The following TAB2 variants were observed in gnomAD, a reference collection of about 807,000 sequenced individuals.
TAB2 encodes the protein TGF-beta-activated kinase 1 and MAP3K7-binding protein 2.
TAB2 carries 3 observed loss-of-function variants against 65.0 expected under a neutral mutation model. The observed-to-expected ratio is 0.05, with a 90% CI of 0.02 to 0.12. The LOEUF (loss-of-function observed/expected upper bound fraction) is 0.12, where lower values mean the gene tolerates loss of function less well. Among genes scored for constraint, TAB2 ranks in the 10% least tolerant of loss-of-function variants. The pLI is 1.00. For synonymous variants in TAB2, 298 were observed against 285.1 expected (o/e 1.05, Z -0.46); for missense variants, 623 against 840.3 (o/e 0.74, Z 3.20).
chr6:149,349,497 CA>C (rs1412583743), intron 1 of TAB2, among the ~76,000 whole-genome samples: 2 of 151,010 alleles, frequency 1.3e-5, no homozygotes, highest in African/African-American at 4.9e-5. Context: ...TAATGACATG[CA>C]GATCTGTTAA....
chr6:149,371,065 C>CAAAAAA (rs33926884), intron 2 of TAB2, among the ~76,000 whole-genome samples: 10 of 71,976 alleles, frequency 1.4e-4, no homozygotes, highest in African/African-American at 3.6e-4. Flanking sequence ...GACCCTATCT[C>CAAAAAA]AAAAAAAAAA....
At chr6:149,358,253 G>A (rs1343668622) in intron 1 of TAB2, among the ~76,000 whole-genome samples, 1 of 152,116 alleles carries the variant, frequency 6.6e-6, no homozygotes, top group Non-Finnish European at 1.5e-5. Context: ...ATCTAAACAC[G>A]ATATTGATTT....
intron 1 of TAB2, among the ~76,000 whole-genome samples, chr6:149,287,720 A>G (rs1778703023): frequency 6.6e-6 from 1 of 152,222 alleles, no homozygotes; most frequent in African/African-American, 2.4e-5. Flanking sequence ...AAATAAAGAC[A>G]TTGTGCATTC....
chr6:149,377,100 C>G (rs573148891), intron 2 of TAB2, among the ~76,000 whole-genome samples: 1 of 146,342 alleles, frequency 6.8e-6, no homozygotes, highest in South Asian at 2.2e-4. Flanking sequence ...GACAGAGTCT[C>G]GCTCTGTCAC....
At chr6:149,358,640 C>CTGTG (rs370116039) in intron 1 of TAB2, among the ~76,000 whole-genome samples, 1,330 of 121,728 alleles carry the variant, frequency 0.011, 20 homozygotes, top group South Asian at 0.021. Flanking sequence ...CTTCAGAACT[C>CTGTG]TGTGTGTGTG....
At chr6:149,331,660 AG>A (rs1309226561) in intron 1 of TAB2, among the ~76,000 whole-genome samples, 3 of 152,172 alleles carry the variant, frequency 2.0e-5, no homozygotes, top group African/African-American at 2.4e-5. Flanking sequence ...TGTTAGCTGT[AG>A]GTTTTTTGTA....
chr6:149,355,698 A>C (rs1263065584), intron 1 of TAB2, among the ~76,000 whole-genome samples: 3 of 151,630 alleles, frequency 2.0e-5, no homozygotes, highest in Admixed American at 1.3e-4. Flanking sequence ...TGTTAAACTT[A>C]CGTTGAATTA....
At chr6:149,240,202 T>C (rs1386777778) in intron 1 of TAB2, among the ~76,000 whole-genome samples, 2 of 152,180 alleles carry the variant, frequency 1.3e-5, no homozygotes, top group African/African-American at 2.4e-5. Context: ...GCCTTACCCA[T>C]GTAATCTGAG....
At chr6:149,313,384 T>A (rs1456221143), upstream of TAB2, among the ~76,000 whole-genome samples, 1 of 152,130 alleles carries the variant, frequency 6.6e-6, no homozygotes, top group Non-Finnish European at 1.5e-5. Context: ...GTACAATACA[T>A]GGCCCAGGTT....
Position 149,397,635 on chromosome 6 carries a change from A to G in TAB2, c.1635A>G (p.Glu545=), listed in dbSNP as rs1782216436. ...ALLVHQKARM[E]RLQRELEIQK... ...TGGTACACCAGAAGGCCAGAATGGA[A>G]CGACTTCAAAGAGAACTTGAGATTC... is the stretch of plus-strand genomic sequence containing the variant. Residue 545 remains glutamate, a synonymous_variant, in exon 4 of 7, where the codon GAA becomes GAG. Coordinates refer to ENST00000637181, the MANE Select transcript of TAB2 (RefSeq NM_001292034.3). 5 of 1,614,000 alleles carry G rather than the reference A, an allele frequency of 3.1e-6. No homozygotes were observed. In the East Asian group the frequency reaches 1.1e-4, roughly 36 times the overall value.
intron 1 of TAB2, among the ~76,000 whole-genome samples, chr6:149,222,484 G>T (rs1425992848): frequency 6.6e-6 from 1 of 152,006 alleles, no homozygotes; most frequent in African/African-American, 2.4e-5. Context: ...GAGGCATGGT[G>T]GTGGGCACCT....
chr6:149,388,951 A>C (rs1781891034), intron 3 of TAB2, among the ~76,000 whole-genome samples: 1 of 143,494 alleles, frequency 7.0e-6, no homozygotes, highest in South Asian at 2.2e-4. Flanking sequence ...GAATAACAGA[A>C]ATCTTTTTTT....
intron 1 of TAB2, among the ~76,000 whole-genome samples, chr6:149,348,190 C>G (rs778012928): frequency 3.0e-4 from 45 of 152,030 alleles, no homozygotes; most frequent in Admixed American, 3.3e-4. Flanking sequence ...TCCAGGAGTT[C>G]AAGACCAACC....
At position 149,410,570 on chromosome 6, in the gene TAB2, CT is replaced by C. The variant is rs1782818891; in HGVS notation, c.*854del. ...TGAGATGAAAGTATGCACAGAATAA[CT>C]TTCCTCTACTTATTCTGTACTTTGC... On this transcript the variant is annotated 3_prime_UTR_variant, in exon 7 of 7. Transcript: ENST00000637181. 1 of 152,608 alleles carries C rather than the reference CT, an allele frequency of 6.6e-6. No homozygotes were observed. The highest frequency in any genetic ancestry group is 1.5e-5 in the Non-Finnish European group (1 of 68,026). 9.5% of individuals were successfully genotyped at this position (152,608 alleles called of 1,614,324 possible). A position where few individuals can be genotyped will look rare whatever the true frequency, so the allele number is the denominator to read the frequency against.
At chr6:149,308,581 G>A (rs745366282) in intron 1 of TAB2, among the ~76,000 whole-genome samples, 1 of 151,778 alleles carries the variant, frequency 6.6e-6, no homozygotes, top group African/African-American at 2.4e-5. Context: ...AGGCTGGAGT[G>A]CAGTGGCACA....
In TAB2 at chr6:149,378,067, C is replaced by T; in HGVS notation, c.152C>T (p.Thr51Ile). The T allele has an allele frequency of 1.2e-6, 2 of 1,614,072 alleles. No homozygotes were observed. The highest frequency in any genetic ancestry group is 1.7e-6 in the Non-Finnish European group (2 of 1,179,978). ...TGTGCTGTTCTCTCTCAGGAGAGTA[C>T]AAGATATCTTTATGGTGAAGGAGAC... is the stretch of plus-strand genomic sequence containing the variant. ...ACCAVLSQES[T>I]RYLYGEGDLN... The change falls in exon 3 of 7, where the codon ACA (threonine) becomes ATA (isoleucine). Residue 51 changes from threonine to isoleucine, a missense_variant. By Grantham distance (89) the Thr-to-Ile change is moderately conservative. Transcript: ENST00000637181.
At chr6:149,316,742 G>C (rs1302940474), upstream of TAB2, among the ~76,000 whole-genome samples, 3 of 152,080 alleles carry the variant, frequency 2.0e-5, no homozygotes, top group Non-Finnish European at 4.4e-5. Flanking sequence ...GGACTTCTAG[G>C]AACGTGCAAT....
At chr6:149,347,338 C>G (rs896459118) in intron 1 of TAB2, 1 of 152,150 alleles carries the variant, frequency 6.6e-6, no homozygotes, top group Non-Finnish European at 1.5e-5. Context: ...GAAATTTTCT[C>G]TTTAAGAGGA....
At position 149,379,307 on chromosome 6, in the gene TAB2, C is replaced by A; in HGVS notation, c.1392C>A (p.Phe464Leu). Residue 464 changes from phenylalanine to leucine, a missense_variant, in exon 3 of 7, where the codon TTC (phenylalanine) becomes TTA (leucine). Coordinates refer to ENST00000637181, the MANE Select transcript of TAB2 (RefSeq NM_001292034.3). Reference sequence around the variant, plus strand: ...CTCAGCCCAATACGAAATACACTTTCAAAATTACAGTCTCTCCCAATAAGC... The same window carrying A: ...CTCAGCCCAATACGAAATACACTTTAAAAATTACAGTCTCTCCCAATAAGC... ...VVTQPNTKYT[F>L]KITVSPNKPP... 1 of 1,614,228 alleles carries A rather than the reference C, an allele frequency of 6.2e-7. No individual in the cohort carries two copies. The highest frequency in any genetic ancestry group is 1.1e-5 in the South Asian group (1 of 91,088).
Sources: allele counts gnomAD v4.1 joint callset (sites outside exome capture counted in the v4.1 genomes callset), GRCh38; gene constraint gnomAD v4.1.1; transcripts MANE v1.5; gene names NCBI Gene and HGNC (gene_info 2026-07-23, HGNC 2026-07-21).